ADGRG2: variants seen among roughly 807,000 people sequenced by gnomAD.
The protein encoded by ADGRG2 is adhesion G protein-coupled receptor G2.
A neutral mutation model predicts 74.1 loss-of-function variants in ADGRG2; 26 were observed. The ratio of observed to expected loss-of-function variants is 0.35; its 90% CI spans 0.26 to 0.49. ADGRG2 has a LOEUF of 0.49. ADGRG2 is among the 20% of genes least tolerant of loss of function. The pLI is 0.99. For missense variants in ADGRG2, 619 were observed against 763.1 expected, an observed-to-expected ratio of 0.81 and a Z score of 2.22; for synonymous variants, 296 against 295.2, an observed-to-expected ratio of 1.00 and a Z score of -0.03.
chrX:19,053,536 C>T (rs1423120604), intron 3 of ADGRG2, among the ~76,000 whole-genome samples: 1 of 111,948 alleles, frequency 8.9e-6, no homozygotes, highest in East Asian at 2.8e-4. Context: ...CAAATCCTGG[C>T]TCTGCCATTT....
rs1176522620 is a variant in ADGRG2, at chrX:19,004,773, G to A, written c.1946C>T (p.Thr649Ile). The A allele has an allele frequency of 2.5e-6, 3 of 1,208,970 alleles. No homozygotes were observed. The highest frequency in any genetic ancestry group is 3.4e-6 in the Non-Finnish European group (3 of 893,556). Residue 649 changes from threonine (T) to isoleucine (I), a missense_variant, in exon 23 of 29, where the codon ACC (threonine) becomes ATC (isoleucine). By Grantham distance (89) the Thr-to-Ile change is moderately conservative. This residue lies in a region of ADGRG2 where 221 missense variants were observed against 340.6 expected (regional missense o/e 0.65). Coordinates refer to ENST00000379869, the MANE Select transcript of ADGRG2 (RefSeq NM_001079858.3). ...SSIFLSVTLV[T>I]YIAFEKIRRD... The stretch of plus-strand genomic sequence containing the variant: ...GGATACTCACTCAAAAGCTATGTAG[G>A]TTACAAGAGTCACTGACAGAAAAAT...
chrX:19,078,856 C>T (rs1569130459), intron 2 of ADGRG2, among the ~76,000 whole-genome samples: 1 of 108,490 alleles, frequency 9.2e-6, no homozygotes, highest in Non-Finnish European at 1.9e-5. Flanking sequence ...AAAGACAATT[C>T]TGGCAAAATC....
intron 1 of ADGRG2, among the ~76,000 whole-genome samples, chrX:19,099,755 C>A (rs1167364109): frequency 8.9e-6 from 1 of 111,997 alleles, no homozygotes; most frequent in Non-Finnish European, 1.9e-5. Flanking sequence ...CAGCATTAGG[C>A]CAGGCACAGT....
chrX:19,046,793 G>A (rs1166379351), intron 3 of ADGRG2, among the ~76,000 whole-genome samples: 1 of 111,685 alleles, frequency 9.0e-6, no homozygotes, highest in Non-Finnish European at 1.9e-5. Flanking sequence ...CAGTGAGACT[G>A]GAATCATGGA....
At position 19,053,831 on chromosome X, in the gene ADGRG2, T is replaced by C. The variant is rs180944135; in HGVS notation, c.119-13607A>G. Among the ~76,000 whole-genome samples the C allele has an allele frequency of 4.5e-5, 5 of 111,303 alleles. No homozygotes were observed. In the East Asian group the frequency reaches 1.4e-3, roughly 31 times the overall value. On this transcript the variant is annotated intron_variant, in intron 3 of 28. Coordinates refer to ENST00000379869, the MANE Select transcript of ADGRG2 (RefSeq NM_001079858.3). Reference sequence around the variant, plus strand: ...CATGGCTGGGGAGGCCTCACAATCATGGTGGAAGAGGAAGGAAGAGCAAAG... The same window carrying C: ...CATGGCTGGGGAGGCCTCACAATCACGGTGGAAGAGGAAGGAAGAGCAAAG...
chrX:19,036,186 A>C (rs1267236838), intron 6 of ADGRG2: 2 of 305,075 alleles, frequency 6.6e-6, no homozygotes, highest in Non-Finnish European at 1.1e-5. Context: ...GCAAATGTTC[A>C]TTGATTCAAA....
intron 4 of ADGRG2, 70 bp downstream of exon 4, chrX:19,040,119 C>T (rs1200943568): frequency 7.0e-6 from 5 of 711,891 alleles, no homozygotes. Context: ...GACTACATGC[C>T]ATGTTTCATA....
intron 4 of ADGRG2, among the ~76,000 whole-genome samples, chrX:19,038,631 G>A (rs896779426): frequency 6.3e-5 from 7 of 111,601 alleles, no homozygotes; most frequent in East Asian, 2.8e-4. Flanking sequence ...TAATTCTTCC[G>A]AATGTTGATG....
intron 16 of ADGRG2, among the ~76,000 whole-genome samples, chrX:19,012,751 A>G (rs1004658124): frequency 9.9e-5 from 11 of 111,092 alleles, no homozygotes; most frequent in Non-Finnish European, 2.1e-4. Context: ...TGCTGGCACC[A>G]GGGTGGAGGA....
Position 19,019,678 on chromosome X carries a change from A to G in ADGRG2, c.644-13T>C. The G allele has an allele frequency of 9.5e-7, 1 of 1,056,163 alleles. No homozygotes were observed. Among genetic ancestry groups the G allele is most frequent in the Non-Finnish European group, 1.3e-6 (1 of 757,214 alleles). 87.0% of individuals were successfully genotyped at this position (1,056,163 alleles called of 1,213,427 possible). A position where few individuals can be genotyped will look rare whatever the true frequency, so the allele number is the denominator to read the frequency against. ...CAGCAGCAGTGTTCTAGGAGAGACA[A>G]AAGGAAAAGGAGTAAGAAAAATGCA... On this transcript the variant is annotated splice_polypyrimidine_tract_variant and intron_variant, in intron 14 of 28. Transcript: ENST00000379869.
At chrX:19,081,575 C>T (rs2061846330) in intron 2 of ADGRG2, among the ~76,000 whole-genome samples, 1 of 112,140 alleles carries the variant, frequency 8.9e-6, no homozygotes, top group Admixed American at 9.5e-5. Flanking sequence ...GGGCCATTTA[C>T]TGGCTGTGTG....
rs777151664 is a variant in ADGRG2, at chrX:19,011,899, A to T, written c.1100-1121T>A. 5.4e-5 allele frequency among the ~76,000 whole-genome samples: 6 copies of T among 112,141 alleles called. No individual in the cohort carries two copies. The East Asian group carries it at 1.7e-3, about 31-fold the overall frequency. On this transcript the variant is annotated intron_variant, in intron 16 of 28. Transcript: ENST00000379869. Reference sequence around the variant, plus strand: ...AGCTGGACTATCACCTGTAAGTCTGATTTTTAATAGGGAAACAATGATACA... The same window carrying T: ...AGCTGGACTATCACCTGTAAGTCTGTTTTTTAATAGGGAAACAATGATACA...
chrX:19,023,358 T>TTTA, intron 13 of ADGRG2, 58 bp downstream of exon 13: 1 of 708,515 alleles, frequency 1.4e-6, no homozygotes, highest in Non-Finnish European at 2.1e-6. Flanking sequence ...GACTCCTTAA[T>TTTA]ACTTTATTTC....
intron 3 of ADGRG2, among the ~76,000 whole-genome samples, chrX:19,060,345 G>A (rs940686004): frequency 3.6e-5 from 4 of 110,830 alleles, no homozygotes; most frequent in Non-Finnish European, 3.8e-5. Context: ...AATGTAGTTC[G>A]AAAAAATGTG....
chrX:19,101,100 ATTGTGTGTGTG>A (rs1260245740), intron 1 of ADGRG2, among the ~76,000 whole-genome samples: 2 of 83,771 alleles, frequency 2.4e-5, no homozygotes, highest in East Asian at 7.3e-4. Flanking sequence ...TAATCATGAG[ATTGTGTGTGTG>A]TGTGTGTGTG....
In ADGRG2 at chrX:19,116,506, C is replaced by CAAAAAAAAAAAAAA. The variant is rs10677696; in HGVS notation, c.-47+5922_-47+5935dup. On this transcript the variant is annotated intron_variant, in intron 1 of 28. Transcript: ENST00000379869. Reference sequence around the variant, plus strand: ...AGCCTCAGCAACAGAGATTCCGTCTCAAAAAAAAAAAAAAAAAAAAAAAAA... The same window carrying CAAAAAAAAAAAAAA: ...AGCCTCAGCAACAGAGATTCCGTCTCAAAAAAAAAAAAAAAAAAAAAAAAAAAAAAAAAAAAAAA... Among the ~76,000 whole-genome samples, 8 of 24,015 alleles carry CAAAAAAAAAAAAAA rather than the reference C, an allele frequency of 3.3e-4. 1 individual carries two copies. The highest frequency in any genetic ancestry group is 1.1e-3 in the African/African-American group (8 of 7,555). The allele number at this position is 24,015 out of a possible 115,157, so 20.9% of individuals were successfully genotyped here.
intron 3 of ADGRG2, among the ~76,000 whole-genome samples, chrX:19,055,558 A>G (rs934173333): frequency 2.7e-5 from 3 of 111,305 alleles, no homozygotes; most frequent in African/African-American, 9.8e-5. Context: ...ACAGATATAG[A>G]GCACTTCCGT....
At chrX:18,997,990 C>T (rs1446354436) in intron 26 of ADGRG2, among the ~76,000 whole-genome samples, 2 of 112,726 alleles carry the variant, frequency 1.8e-5, no homozygotes, top group Non-Finnish European at 3.7e-5. Flanking sequence ...ACAGCAGACA[C>T]GTCTTTCATA....
chrX:18,993,219 C>T (rs747282254), intron 28 of ADGRG2, among the ~76,000 whole-genome samples: 2 of 111,661 alleles, frequency 1.8e-5, no homozygotes, highest in African/African-American at 6.5e-5. Context: ...TGTCTGGGGA[C>T]ATTTTGGGTT....
Sources: allele counts gnomAD v4.1 joint callset (sites outside exome capture counted in the v4.1 genomes callset), GRCh38; gene constraint gnomAD v4.1.1; regional missense constraint gnomAD v4.1.1; transcripts MANE v1.5; gene names NCBI Gene and HGNC (gene_info 2026-07-23, HGNC 2026-07-21).